Variants in MREG observed in about 807,000 individuals in gnomAD.
MREG encodes melanoregulin.
Under a neutral mutation model 28.5 loss-of-function variants are expected in MREG, and 31 were observed. That is an observed-to-expected ratio of 1.09 (90% CI 0.82 to 1.47). MREG has a LOEUF of 1.47. Among genes scored for constraint, MREG ranks in the 40% most tolerant of loss-of-function variants. The pLI, the probability that MREG is intolerant of heterozygous loss-of-function variation, is 0.00. For missense variants in MREG, 256 were observed against 257.4 expected, an observed-to-expected ratio of 0.99 and a Z score of 0.04; for synonymous variants, 106 against 95.2, an observed-to-expected ratio of 1.11 and a Z score of -0.66.
chr2:216,025,551 G>A (rs1015530146), intron 1 of MREG, among the ~76,000 whole-genome samples: 5 of 152,262 alleles, frequency 3.3e-5, no homozygotes, highest in Non-Finnish European at 5.9e-5. Flanking sequence ...TCTAAAGACA[G>A]AATGAAAATT....
chr2:215,975,026 A>ATATATATATATATATATATATATATG (rs1268461887), intron 2 of MREG, among the ~76,000 whole-genome samples: 21 of 145,688 alleles, frequency 1.4e-4, no homozygotes, highest in African/African-American at 5.0e-4. Flanking sequence ...ATATATATAT[A>ATATATATATATATATATATATATATG]TGAAATAATA....
intron 3 of MREG, 52 bp downstream of exon 3, chr2:215,946,971 T>C: frequency 9.5e-7 from 1 of 1,055,932 alleles, no homozygotes; most frequent in Non-Finnish European, 1.5e-6. Context: ...AATTGAAGAA[T>C]AATGATCACA....
intron 1 of MREG, among the ~76,000 whole-genome samples, chr2:216,031,532 A>G (rs1310844755): frequency 2.0e-5 from 3 of 149,336 alleles, no homozygotes; most frequent in Admixed American, 2.0e-4. Context: ...AAAAGAAAAG[A>G]AAGAAGGAAG....
intron 1 of MREG, among the ~76,000 whole-genome samples, chr2:216,019,129 T>C (rs1694486097): frequency 6.6e-6 from 1 of 152,236 alleles, no homozygotes; most frequent in East Asian, 1.9e-4. Flanking sequence ...TTATTCTAGC[T>C]CTTTAGTACT....
intron 1 of MREG, among the ~76,000 whole-genome samples, chr2:216,007,899 A>G (rs539715154): frequency 1.6e-4 from 25 of 152,228 alleles, no homozygotes; most frequent in South Asian, 6.2e-4. Flanking sequence ...TAGAGCAACA[A>G]TATATATTAA....
chr2:215,972,713 T>G (rs1054398101), intron 2 of MREG, among the ~76,000 whole-genome samples: 4 of 152,118 alleles, frequency 2.6e-5, no homozygotes, highest in African/African-American at 9.7e-5. Flanking sequence ...GTGCAAAAAT[T>G]ATCTAATTGT....
intron 1 of MREG, among the ~76,000 whole-genome samples, chr2:216,010,336 G>A (rs886687462): frequency 1.0e-4 from 14 of 140,150 alleles, no homozygotes; most frequent in African/African-American, 3.7e-4. Context: ...TTCTAGAACT[G>A]TGAAAGAAAA....
At chr2:215,991,256 T>C (rs1389414175) in intron 2 of MREG, among the ~76,000 whole-genome samples, 2 of 152,154 alleles carry the variant, frequency 1.3e-5, no homozygotes, top group Non-Finnish European at 1.5e-5. Context: ...ACCACAAAAC[T>C]ACATGGAAAC....
intron 1 of MREG, among the ~76,000 whole-genome samples, chr2:216,031,130 G>A (rs997567235): frequency 6.6e-6 from 1 of 151,994 alleles, no homozygotes; most frequent in African/African-American, 2.4e-5. Context: ...GCATAGGCCA[G>A]ACATGGTGGT....
intron 2 of MREG, among the ~76,000 whole-genome samples, chr2:215,956,482 G>A (rs541916398): frequency 6.4e-4 from 97 of 152,170 alleles, no homozygotes; most frequent in African/African-American, 2.3e-3. Flanking sequence ...TATCAAAAGA[G>A]CCTGTAGAAA....
At chr2:216,023,416 G>A (rs1694553686) in intron 1 of MREG, among the ~76,000 whole-genome samples, 1 of 152,188 alleles carries the variant, frequency 6.6e-6, no homozygotes, top group Non-Finnish European at 1.5e-5. Context: ...TAAACTAGCT[G>A]TAAACTAAAC....
intron 1 of MREG, among the ~76,000 whole-genome samples, chr2:216,000,923 C>T (rs973017756): frequency 1.3e-5 from 2 of 152,158 alleles, no homozygotes; most frequent in African/African-American, 2.4e-5. Flanking sequence ...ATTTATTTTC[C>T]TATTTTAAAA....
At chr2:215,965,244 C>T (rs1433857259) in intron 2 of MREG, among the ~76,000 whole-genome samples, 1 of 152,198 alleles carries the variant, frequency 6.6e-6, no homozygotes, top group East Asian at 1.9e-4. Context: ...AATTGAAAAT[C>T]CTATTGATAC....
At chr2:215,956,852 A>G (rs777688948) in intron 2 of MREG, among the ~76,000 whole-genome samples, 6 of 152,226 alleles carry the variant, frequency 3.9e-5, no homozygotes, top group Admixed American at 6.5e-5. Flanking sequence ...AAAATCATAC[A>G]GTGTGTTTCT....
At chr2:216,032,955 G>T (rs1285939334) in exon 1 of MREG, 1 of 152,120 alleles carries the variant, frequency 6.6e-6, no homozygotes, top group Non-Finnish European at 1.5e-5. Context: ...TCCTAAGAAG[G>T]CACTGCTCAG....
intron 2 of MREG, among the ~76,000 whole-genome samples, chr2:215,992,002 T>A (rs1183168081): frequency 6.6e-6 from 1 of 152,122 alleles, no homozygotes; most frequent in Non-Finnish European, 1.5e-5. Flanking sequence ...TCTGAAACTA[T>A]TAGAAACCAC....
intron 1 of MREG, among the ~76,000 whole-genome samples, chr2:216,005,746 G>A (rs1207382323): frequency 6.7e-6 from 1 of 150,340 alleles, no homozygotes; most frequent in African/African-American, 2.4e-5. Flanking sequence ...AGCCAACCAT[G>A]CCCAGCCTAT....
chr2:215,999,144 T>A (rs1288535199), intron 1 of MREG, among the ~76,000 whole-genome samples: 1 of 152,236 alleles, frequency 6.6e-6, no homozygotes, highest in Non-Finnish European at 1.5e-5. Flanking sequence ...CCTGCATGAC[T>A]GCAGCACGTG....
chr2:215,962,814 G>A (rs542757488), intron 2 of MREG, among the ~76,000 whole-genome samples: 13 of 151,808 alleles, frequency 8.6e-5, no homozygotes, highest in Non-Finnish European at 1.6e-4. Flanking sequence ...GGCGGTAAGG[G>A]TAAAATACAC....
Sources: allele counts gnomAD v4.1 joint callset (sites outside exome capture counted in the v4.1 genomes callset), GRCh38; gene constraint gnomAD v4.1.1; transcripts MANE v1.5; gene names NCBI Gene and HGNC (gene_info 2026-07-23, HGNC 2026-07-21).